Variants in PRPF8 observed in about 807,000 individuals in gnomAD.
PRPF8 encodes pre-mRNA processing factor 8, also known as pre-mRNA-processing-splicing factor 8.
In PRPF8, 64 loss-of-function variants were observed where a neutral mutation model predicts 285.9. That is an observed-to-expected ratio of 0.22 (90% CI 0.18 to 0.28). The LOEUF (loss-of-function observed/expected upper bound fraction) is 0.28, where lower values mean the gene tolerates loss of function less well. Among genes scored for constraint, PRPF8 ranks in the 10% least tolerant of loss-of-function variants. The probability of loss-of-function intolerance (pLI) is 1.00; values close to 1 mark genes in which losing one functional copy is unlikely to be tolerated. For missense variants in PRPF8, 1,426 were observed against 3,026.7 expected, an observed-to-expected ratio of 0.47 and a Z score of 12.41; for synonymous variants, 1,325 against 1,118.2, an observed-to-expected ratio of 1.18 and a Z score of -3.69.
chr17:1,651,063 TTA>T lies in PRPF8; in HGVS notation c.6853+43_6853+44del. On this transcript the variant is annotated intron_variant, in intron 42 of 42. Coordinates refer to ENST00000304992, the MANE Select transcript of PRPF8 (RefSeq NM_006445.4). The surrounding 1 kb of genome is among the most constrained non-coding windows in gnomAD (Gnocchi z 5.1). Reference sequence around the variant, plus strand: ...AAGTGCAAAGGGCGATGGCCTCACCTTATCCCTACTGCTATCCCCACATCCCC... The same window carrying T: ...AAGTGCAAAGGGCGATGGCCTCACCTTCCCTACTGCTATCCCCACATCCCC... The T allele has an allele frequency of 6.2e-7, 1 of 1,613,784 alleles. No homozygotes were observed. Among genetic ancestry groups the T allele is most frequent in the Non-Finnish European group, 8.5e-7 (1 of 1,179,658 alleles).
chr17:1,658,236 T>C lies in PRPF8; in HGVS notation c.5505+17A>G, dbSNP rs530484866. The C allele has an allele frequency of 6.8e-6, 11 of 1,614,116 alleles. No homozygotes were observed. In the African/African-American group the frequency reaches 1.2e-4, roughly 18 times the overall value. On this transcript the variant is annotated intron_variant, in intron 34 of 42. Transcript: ENST00000304992. The surrounding 1 kb of genome is among the most constrained non-coding windows in gnomAD (Gnocchi z 4.1). ...GCAACATGGTTCTACAGCCTCTTCA[T>C]CTTTAAACCTGCTCACCTGCCCCAA...
chr17:1,683,445 G>T, intron 3 of PRPF8, 88 bp downstream of exon 3: 1 of 1,401,046 alleles, frequency 7.1e-7, no homozygotes, highest in Non-Finnish European at 1.0e-6. Context: ...ACCAAGATGA[G>T]CTGTCAAAGC....
At chr17:1,683,851 C>A in intron 2 of PRPF8, 150 bp from the exon 3 acceptor site, 1 of 908,440 alleles carries the variant, frequency 1.1e-6, no homozygotes, top group Non-Finnish European at 1.7e-6. Flanking sequence ...TACCATTTTA[C>A]TCTGTTTTTC....
rs958358676 is a variant in PRPF8 at position 1,673,310 on chromosome 17, G to C, written c.3657+47C>G. 7.5e-6 allele frequency: 12 copies of C among 1,610,040 alleles called. No homozygotes were observed. In the Admixed American group the frequency reaches 1.5e-4, roughly 20 times the overall value. ...AACAAGACTCCGGTGACTGACCCAG[G>C]AAGTGCAGGCGCGTTCATGTCACTC... is the stretch of plus-strand genomic sequence containing the variant. On this transcript the variant is annotated intron_variant, in intron 23 of 42. Transcript: ENST00000304992. This position sits in a 1 kb window ranked among gnomAD's most constrained non-coding sequence, Gnocchi z 5.5.
chr17:1,683,773 A>AGAG, intron 2 of PRPF8, 72 bp from the exon 3 acceptor site: 1 of 1,577,126 alleles, frequency 6.3e-7, no homozygotes, highest in Non-Finnish European at 8.6e-7. Flanking sequence ...CCCTAGGGTA[A>AGAG]GCTCCTGTCA....
In PRPF8 at chr17:1,659,358, T is replaced by A; in HGVS notation, c.5137A>T (p.Ser1713Cys). ...IAIDLAYNLH[S>C]AYGNWFPGSK... ...ACATGGTCCTGAGCCTCAACTCACC[T>A]GTGCAAGTTATAGGCCAGGTCAATG... Residue 1713 changes from serine (S) to cysteine (C), a missense_variant and splice_region_variant, in exon 32 of 43, where the codon AGT (serine) becomes TGT (cysteine). This residue lies in a region of PRPF8 where 74 missense variants were observed against 161.8 expected (regional missense o/e 0.46). Coordinates refer to ENST00000304992, the MANE Select transcript of PRPF8 (RefSeq NM_006445.4). This position sits in a 1 kb window ranked among gnomAD's most constrained non-coding sequence, Gnocchi z 5.1. 1 of 1,614,030 alleles carries A rather than the reference T, an allele frequency of 6.2e-7. No homozygotes were observed.
Sources: allele counts gnomAD v4.1 joint callset, GRCh38; gene constraint gnomAD v4.1.1; regional missense constraint gnomAD v4.1.1; non-coding constraint Gnocchi (gnomAD v3.1); transcripts MANE v1.5; gene names NCBI Gene and HGNC (gene_info 2026-07-23, HGNC 2026-07-21).